Variants in RIMS2 observed in about 807,000 individuals in gnomAD.
RIMS2 encodes regulating synaptic membrane exocytosis protein 2.
RIMS2 carries 59 observed loss-of-function variants against 174.4 expected under a neutral mutation model. That is an observed-to-expected ratio of 0.34 (90% CI 0.27 to 0.42). The LOEUF (loss-of-function observed/expected upper bound fraction) is 0.42, where lower values mean the gene tolerates loss of function less well. Ranked by LOEUF, RIMS2 falls within the 10% of genes least tolerant of loss-of-function variation. RIMS2 has a pLI of 1.00. For synonymous variants in RIMS2, 606 were observed against 572.5 expected (o/e 1.06, Z -0.84); for missense variants, 1,620 against 1,666.3 (o/e 0.97, Z 0.48).
chr8:104,157,028 A>G (rs1336012145), intron 19 of RIMS2, among the ~76,000 whole-genome samples: 1 of 152,200 alleles, frequency 6.6e-6, no homozygotes, highest in Non-Finnish European at 1.5e-5. Context: ...TAGGATTCTA[A>G]CAATGTGCCT....
intron 1 of RIMS2, among the ~76,000 whole-genome samples, chr8:103,629,926 G>C (rs921850608): frequency 6.6e-6 from 1 of 152,010 alleles, no homozygotes; most frequent in Non-Finnish European, 1.5e-5. Context: ...GGCAGGGAGA[G>C]GGGGAGTAAA....
chr8:103,891,350 G>A (rs944079685), intron 4 of RIMS2, among the ~76,000 whole-genome samples: 1 of 152,128 alleles, frequency 6.6e-6, no homozygotes, highest in Admixed American at 6.6e-5. Context: ...CTTGATGCTC[G>A]TGTTTCACGT....
intron 2 of RIMS2, among the ~76,000 whole-genome samples, chr8:103,758,526 C>T (rs538829855): frequency 6.6e-6 from 1 of 152,102 alleles, no homozygotes; most frequent in Admixed American, 6.5e-5. Flanking sequence ...AAGACGTGAA[C>T]ATGAATTTCA....
chr8:103,739,459 C>T (rs1477871918), intron 2 of RIMS2, among the ~76,000 whole-genome samples: 1 of 152,184 alleles, frequency 6.6e-6, no homozygotes, highest in East Asian at 1.9e-4. Context: ...AGCACACCAA[C>T]ATGGCACATG....
chr8:104,223,568 T>G, intron 19 of RIMS2: 4 of 1,460,792 alleles, frequency 2.7e-6, no homozygotes, highest in Non-Finnish European at 3.6e-6. Flanking sequence ...GGCCCACTGG[T>G]CCCGGAACCG....
chr8:103,568,601 T>A (rs538987983), intron 1 of RIMS2: 1 of 546,660 alleles, frequency 1.8e-6, no homozygotes, highest in African/African-American at 1.9e-5. Flanking sequence ...CAGCTGTAAC[T>A]GTGATCAGTT....
chr8:103,777,920 A>G (rs1013554231), intron 3 of RIMS2, among the ~76,000 whole-genome samples: 3 of 151,908 alleles, frequency 2.0e-5, no homozygotes, highest in African/African-American at 7.2e-5. Context: ...TGGGTACAAA[A>G]TTGGGTATAA....
intron 22 of RIMS2, 65 bp from the exon 29 acceptor site, chr8:104,250,959 C>A: frequency 7.2e-7 from 1 of 1,391,634 alleles, no homozygotes; most frequent in Non-Finnish European, 1.0e-6. Context: ...GTAAATGTCA[C>A]CGTGCGTCGG....
intron 4 of RIMS2, among the ~76,000 whole-genome samples, chr8:103,888,024 C>G (rs140840285): frequency 9.9e-5 from 15 of 151,414 alleles, no homozygotes; most frequent in East Asian, 3.9e-4. Flanking sequence ...CTGGAAGAAA[C>G]AACACTTGTA....
intron 19 of RIMS2, among the ~76,000 whole-genome samples, chr8:104,183,481 A>G (rs1045085392): frequency 6.6e-6 from 1 of 151,632 alleles, no homozygotes; most frequent in Admixed American, 6.6e-5. Flanking sequence ...TTTAAGGATA[A>G]TAAGATTGAC....
At position 103,681,062 on chromosome 8, in the gene RIMS2, G is replaced by A. The variant is rs193192614; in HGVS notation, c.177-16024G>A. On this transcript the variant is annotated intron_variant, in intron 1 of 23. Transcript: ENST00000504942. Reference sequence around the variant, plus strand: ...AAAGAGCCAACTTAAAGAAATGGATGAATAAAATGTGATTATCCAAACAGA... The same window carrying A: ...AAAGAGCCAACTTAAAGAAATGGATAAATAAAATGTGATTATCCAAACAGA... 2.6e-5 allele frequency among the ~76,000 whole-genome samples: 4 copies of A among 151,994 alleles called. No individual in the cohort carries two copies. The East Asian group carries it at 7.7e-4, about 29-fold the overall frequency.
chr8:103,574,332 A>G (rs2093051912), intron 1 of RIMS2, among the ~76,000 whole-genome samples: 1 of 152,212 alleles, frequency 6.6e-6, no homozygotes, highest in African/African-American at 2.4e-5. Flanking sequence ...TATAGCAATG[A>G]ATCTTCAGAC....
At chr8:104,001,174 A>T (rs1555114248) in intron 17 of RIMS2, among the ~76,000 whole-genome samples, 1 of 151,878 alleles carries the variant, frequency 6.6e-6, no homozygotes, top group Non-Finnish European at 1.5e-5. Context: ...TCAATAGCAC[A>T]GTCAGGCAAC....
intron 3 of RIMS2, among the ~76,000 whole-genome samples, chr8:103,873,051 G>C (rs1054795328): frequency 6.6e-6 from 1 of 151,954 alleles, no homozygotes; most frequent in Admixed American, 6.6e-5. Context: ...TGAAGTTCTG[G>C]GTGCACTAGA....
intron 19 of RIMS2, among the ~76,000 whole-genome samples, chr8:104,106,246 T>C (rs1447135756): frequency 6.6e-6 from 1 of 151,974 alleles, no homozygotes; most frequent in Non-Finnish European, 1.5e-5. Context: ...CATTCTCATG[T>C]CTTACATAAG....
chr8:104,038,603 T>G (rs1170343400), intron 19 of RIMS2, among the ~76,000 whole-genome samples: 2 of 151,966 alleles, frequency 1.3e-5, no homozygotes, highest in Non-Finnish European at 2.9e-5. Flanking sequence ...GAGGGGATAC[T>G]CTTAGCTTCT....
intron 1 of RIMS2, among the ~76,000 whole-genome samples, chr8:103,617,565 AACAG>A (rs1320755844): frequency 1.1e-4 from 16 of 152,196 alleles, no homozygotes; most frequent in Non-Finnish European, 1.8e-4. Context: ...CAACAGAGTA[AACAG>A]ACAGCCTATA....
At chr8:104,213,729 T>C (rs554630695) in intron 19 of RIMS2, among the ~76,000 whole-genome samples, 25 of 151,632 alleles carry the variant, frequency 1.6e-4, no homozygotes, top group African/African-American at 5.8e-4. Context: ...ATACAAAAAT[T>C]AGTTGGGCGT....
At chr8:103,910,224 A>G (rs757891716) in intron 5 of RIMS2, 97 bp from the exon 8 acceptor site, 3 of 1,564,104 alleles carry the variant, frequency 1.9e-6, no homozygotes, top group South Asian at 1.2e-5. Flanking sequence ...GAGCCTTACT[A>G]TTTAATTTTC....
Sources: gnomAD v4.1 joint callset for allele counts (sites outside exome capture counted in the v4.1 genomes callset) on GRCh38, gnomAD v4.1.1 for gene constraint, MANE v1.5 for transcripts, NCBI Gene and HGNC (gene_info 2026-07-23, HGNC 2026-07-21) for gene names.